Variants in MGMT observed in about 807,000 individuals in gnomAD.
MGMT encodes O-6-methylguanine-DNA methyltransferase.
MGMT carries 14 observed loss-of-function variants against 15.9 expected under a neutral mutation model. The observed-to-expected ratio is 0.88, with a 90% confidence interval of 0.58 to 1.37. MGMT has a LOEUF of 1.37. Ranked by LOEUF, MGMT falls within the 40% of genes most tolerant of loss-of-function variation. The probability of loss-of-function intolerance (pLI) is 0.00; values close to 1 mark genes in which losing one functional copy is unlikely to be tolerated. For missense variants in MGMT, 282 were observed against 268.1 expected, an observed-to-expected ratio of 1.05 and a Z score of -0.36; for synonymous variants, 130 against 118.2, an observed-to-expected ratio of 1.10 and a Z score of -0.65.
In MGMT at chr10:129,533,779, G is replaced by A. The variant is rs1408661997; in HGVS notation, c.-12-2462G>A. On this transcript the variant is annotated intron_variant, in intron 1 of 4. Transcript: ENST00000651593. The surrounding 1 kb of genome is among the most constrained non-coding windows in gnomAD (Gnocchi z 4.5). ...GAGCTGCCAGCATCCTGCCTGAGAA[G>A]CAGTGGCCCGGGATGGTGGGAGATG... 6.6e-6 allele frequency among the ~76,000 whole-genome samples: 1 copy of A among 152,238 alleles called. No homozygotes were observed. The highest frequency in any genetic ancestry group is 2.4e-5 in the African/African-American group (1 of 41,460).
intron 2 of MGMT, among the ~76,000 whole-genome samples, chr10:129,592,322 C>T (rs985491262): frequency 1.3e-5 from 2 of 152,118 alleles, no homozygotes; most frequent in Admixed American, 1.3e-4. Context: ...CACCTACTGC[C>T]GTGAGCTTAA....
intron 2 of MGMT, among the ~76,000 whole-genome samples, chr10:129,554,584 G>C (rs1469977775): frequency 6.6e-6 from 1 of 152,066 alleles, no homozygotes; most frequent in Admixed American, 6.5e-5. Context: ...ATGTAGCCCT[G>C]GGTGAGTGCT....
At chr10:129,637,277 A>T (rs977089272) in intron 2 of MGMT, among the ~76,000 whole-genome samples, 2 of 152,172 alleles carry the variant, frequency 1.3e-5, no homozygotes, top group African/African-American at 4.8e-5. Flanking sequence ...GTAAGTGCAG[A>T]TGGGCCCACC....
intron 2 of MGMT, among the ~76,000 whole-genome samples, chr10:129,664,803 T>G (rs149777431): frequency 1.3e-5 from 2 of 152,248 alleles, no homozygotes; most frequent in African/African-American, 4.8e-5. Flanking sequence ...GAACAGGCAC[T>G]TCACCAAAGA....
In MGMT at chr10:129,731,349, C is replaced by T. The variant is rs574398532; in HGVS notation, c.274+23306C>T. ...CACATTTGCCATATTGGAAATTAAACCTAAGACTTTTTTTTTTTTTTTTTT... is the reference window on the plus strand; with the variant it reads ...CACATTTGCCATATTGGAAATTAAATCTAAGACTTTTTTTTTTTTTTTTTT... On this transcript the variant is annotated intron_variant, in intron 3 of 4. Coordinates refer to ENST00000651593, the MANE Select transcript of MGMT (RefSeq NM_002412.5). Among the ~76,000 whole-genome samples the T allele has an allele frequency of 4.0e-5, 6 of 148,916 alleles. No homozygotes were observed. The South Asian group carries it at 1.3e-3, about 32-fold the overall frequency.
intron 2 of MGMT, among the ~76,000 whole-genome samples, chr10:129,560,366 A>G (rs1460479584): frequency 1.3e-5 from 2 of 152,252 alleles, no homozygotes; most frequent in Admixed American, 6.5e-5. Context: ...TTATAGATAA[A>G]TTATGGAAAT....
At chr10:129,702,833 C>T (rs1017430895) in intron 2 of MGMT, among the ~76,000 whole-genome samples, 1 of 152,118 alleles carries the variant, frequency 6.6e-6, no homozygotes, top group African/African-American at 2.4e-5. Flanking sequence ...TTTCCATGAG[C>T]GTGGGCTACG....
intron 2 of MGMT, among the ~76,000 whole-genome samples, chr10:129,552,699 C>T (rs923605927): frequency 1.5e-4 from 23 of 152,206 alleles, no homozygotes; most frequent in Non-Finnish European, 2.8e-4. Context: ...TTCGGGGCTA[C>T]TGATGGCAGG....
chr10:129,598,012 G>A (rs943390726), intron 2 of MGMT, among the ~76,000 whole-genome samples: 13 of 152,274 alleles, frequency 8.5e-5, no homozygotes, highest in Admixed American at 2.6e-4. Context: ...GGTGGCTCTC[G>A]GCCCCTGGGC....
intron 2 of MGMT, among the ~76,000 whole-genome samples, chr10:129,550,658 A>G (rs530599308): frequency 2.0e-5 from 3 of 152,034 alleles, no homozygotes; most frequent in African/African-American, 7.2e-5. Flanking sequence ...TGTTGCCAGG[A>G]TGGTCTCGAT....
At position 129,556,980 on chromosome 10, in the gene MGMT, G is replaced by T. The variant is rs564389793; in HGVS notation, c.125+20603G>T. Among the ~76,000 whole-genome samples, 2 of 152,094 alleles carry T rather than the reference G, an allele frequency of 1.3e-5. No individual in the cohort carries two copies. Among genetic ancestry groups the T allele is most frequent in the Non-Finnish European group, 2.9e-5 (2 of 68,034 alleles). On this transcript the variant is annotated intron_variant, in intron 2 of 4. Coordinates refer to ENST00000651593, the MANE Select transcript of MGMT (RefSeq NM_002412.5). The surrounding 1 kb of genome is among the most constrained non-coding windows in gnomAD (Gnocchi z 4.3). Reference sequence around the variant, plus strand: ...TCTTTCAGAACGTTTGTGCGGTGGCGTGTCCCTTCTGTAAATTGCTGTGAC... The same window carrying T: ...TCTTTCAGAACGTTTGTGCGGTGGCTTGTCCCTTCTGTAAATTGCTGTGAC...
In MGMT at chr10:129,769,993, G is replaced by A. The variant is rs537781598; in HGVS notation, c.*2996G>A. On this transcript the variant is annotated 3_prime_UTR_variant, in exon 5 of 5. Coordinates refer to ENST00000651593, the MANE Select transcript of MGMT (RefSeq NM_002412.5). ...CTCACCTTGTAGAGAACTTACTTGGGGTTTGTAATTTGTATACACTTCTTA... is the reference window on the plus strand; with the variant it reads ...CTCACCTTGTAGAGAACTTACTTGGAGTTTGTAATTTGTATACACTTCTTA... Among the ~76,000 whole-genome samples, 2 of 152,218 alleles carry A rather than the reference G, an allele frequency of 1.3e-5. No individual in the cohort carries two copies. Among genetic ancestry groups the A allele is most frequent in the African/African-American group, 4.8e-5 (2 of 41,524 alleles).
chr10:129,605,548 A>G (rs1424286900), intron 2 of MGMT, among the ~76,000 whole-genome samples: 1 of 152,192 alleles, frequency 6.6e-6, no homozygotes, highest in East Asian at 1.9e-4. Flanking sequence ...CCAGAAAATA[A>G]TTCTTTTCAA....
chr10:129,760,097 C>G (rs1044182565), intron 4 of MGMT, among the ~76,000 whole-genome samples: 2 of 152,260 alleles, frequency 1.3e-5, no homozygotes, highest in Admixed American at 6.5e-5. Flanking sequence ...GGTGGGGCAG[C>G]GTGGCCTGTG....
intron 2 of MGMT, among the ~76,000 whole-genome samples, chr10:129,630,281 G>A (rs1238495443): frequency 6.6e-6 from 1 of 152,202 alleles, no homozygotes; most frequent in Non-Finnish European, 1.5e-5. Flanking sequence ...TGATCTCCCT[G>A]TAGAAGGTCG....
chr10:129,489,655 A>G (rs971635696), intron 1 of MGMT, among the ~76,000 whole-genome samples: 1 of 152,142 alleles, frequency 6.6e-6, no homozygotes, highest in African/African-American at 2.4e-5. Flanking sequence ...TCACATTTTA[A>G]TAAGTTTTTT....
At chr10:129,467,866 G>A (rs978090631) in intron 1 of MGMT, among the ~76,000 whole-genome samples, 1 of 152,144 alleles carries the variant, frequency 6.6e-6, no homozygotes, top group Admixed American at 6.5e-5. Flanking sequence ...CCGTAATGTC[G>A]GTTATAACAC....
chr10:129,729,880 G>A (rs2133161463), intron 3 of MGMT, among the ~76,000 whole-genome samples: 2 of 152,326 alleles, frequency 1.3e-5, no homozygotes, highest in East Asian at 3.9e-4. Context: ...CCACCTGGGT[G>A]GAGAGCAGTC....
rs191292454 is a variant in MGMT, at chr10:129,768,489, G to A, written c.*1492G>A. Among the ~76,000 whole-genome samples the A allele has an allele frequency of 1.2e-3, 189 of 152,356 alleles. No homozygotes were observed. The highest frequency in any genetic ancestry group is 4.4e-3 in the African/African-American group (183 of 41,584). On this transcript the variant is annotated 3_prime_UTR_variant, in exon 5 of 5. Coordinates refer to ENST00000651593, the MANE Select transcript of MGMT (RefSeq NM_002412.5). ...GCGTCACCGTCAGGACTCGCAGGCT[G>A]TCTGGTCATTTTTGACGTTGCTGAA...
Sources: allele counts gnomAD v4.1 joint callset (sites outside exome capture counted in the v4.1 genomes callset), GRCh38; gene constraint gnomAD v4.1.1; non-coding constraint Gnocchi (gnomAD v3.1); transcripts MANE v1.5; gene names NCBI Gene and HGNC (gene_info 2026-07-23, HGNC 2026-07-21).